The following SLC47A2 variants were observed in gnomAD, a reference collection of about 807,000 sequenced individuals.
SLC47A2 encodes solute carrier family 47 member 2, also known as multidrug and toxin extrusion protein 2.
In SLC47A2, 52 loss-of-function variants were observed where a neutral mutation model predicts 67.7. That is an observed-to-expected ratio of 0.77 (90% CI 0.61 to 0.97). SLC47A2 has a LOEUF of 0.97. Ranked by LOEUF, SLC47A2 falls within the 50% of genes least tolerant of loss-of-function variation. The pLI is 0.00. For missense variants in SLC47A2, 676 were observed against 712.3 expected (o/e 0.95, Z 0.58); for synonymous variants, 278 against 292.9 (o/e 0.95, Z 0.52).
At chr17:19,692,866 C>T (rs1243451058) in intron 13 of SLC47A2, among the ~76,000 whole-genome samples, 1 of 152,180 alleles carries the variant, frequency 6.6e-6, no homozygotes, top group Non-Finnish European at 1.5e-5. Flanking sequence ...GGCGCAGTGG[C>T]TCATGCTTCT....
chr17:19,704,253 A>G, intron 10 of SLC47A2, 75 bp from the exon 11 acceptor site: 1 of 1,242,494 alleles, frequency 8.0e-7, no homozygotes, highest in Non-Finnish European at 1.1e-6. Context: ...AGCCTGGGCC[A>G]AGAGGGACGT....
intron 15 of SLC47A2, among the ~76,000 whole-genome samples, chr17:19,680,399 G>A (rs2085287902): frequency 6.6e-6 from 1 of 152,110 alleles, no homozygotes; most frequent in Non-Finnish European, 1.5e-5. Flanking sequence ...AGAACCTCTT[G>A]ACCCCAGGAG....
intron 13 of SLC47A2, among the ~76,000 whole-genome samples, chr17:19,683,064 C>A (rs1269491223): frequency 1.3e-5 from 2 of 152,062 alleles, no homozygotes; most frequent in Non-Finnish European, 2.9e-5. Flanking sequence ...GAGATGTATG[C>A]CTCTTGAACT....
At chr17:19,684,391 G>A (rs1291927568) in intron 13 of SLC47A2, among the ~76,000 whole-genome samples, 1 of 152,054 alleles carries the variant, frequency 6.6e-6, no homozygotes, top group Non-Finnish European at 1.5e-5. Flanking sequence ...AAATTTTGAT[G>A]AACATCAAAA....
At chr17:19,708,184 C>T in intron 7 of SLC47A2, 118 bp downstream of exon 7, 1 of 1,164,712 alleles carries the variant, frequency 8.6e-7, no homozygotes, top group Non-Finnish European at 1.2e-6. Flanking sequence ...CTCCCCATAA[C>T]CCTCCACTTC....
At chr17:19,703,921 C>T (rs2085856064) in intron 11 of SLC47A2, 149 bp downstream of exon 11, 1 of 577,956 alleles carries the variant, frequency 1.7e-6, no homozygotes, top group African/African-American at 2.0e-5. Flanking sequence ...AGAGGCTGAC[C>T]TGGGTCAGAT....
Position 19,714,722 on chromosome 17 carries a change from T to G in SLC47A2, c.293A>C (p.Gln98Pro), listed in dbSNP as rs1213544389. ...GCCCAGCTCCAGGAGGCCACCCACCTGAGACATCAAGGTGTCACATGCCGA... is the reference window on the plus strand; with the variant it reads ...GCCCAGCTCCAGGAGGCCACCCACCGGAGACATCAAGGTGTCACATGCCGA... ...LSSACDTLMS[Q>P]SFGSPNKKHV... Residue 98 changes from glutamine (Q) to proline (P), a missense_variant and splice_region_variant, in exon 3 of 17, where the codon CAG becomes CCG. By Grantham distance (76) the Gln-to-Pro change is moderately conservative. Coordinates refer to ENST00000433844, the MANE Select transcript of SLC47A2 (RefSeq NM_001099646.3). The G allele has an allele frequency of 1.9e-6, 3 of 1,614,014 alleles. No individual in the cohort carries two copies. The highest frequency in any genetic ancestry group is 2.5e-6 in the Non-Finnish European group (3 of 1,180,018).
At chr17:19,680,833 GT>G (rs2085296479) in intron 15 of SLC47A2, among the ~76,000 whole-genome samples, 1 of 152,094 alleles carries the variant, frequency 6.6e-6, no homozygotes, top group Admixed American at 6.5e-5. Context: ...AAGGTTTTTG[GT>G]TTTGTTTCTG....
intron 13 of SLC47A2, among the ~76,000 whole-genome samples, chr17:19,696,460 CA>C (rs35606212): frequency 0.35 from 38,942 of 110,432 alleles, 5,118 homozygotes; most frequent in Middle Eastern, 0.46. Flanking sequence ...GACTCCATCT[CA>C]AAAAAAAAAA....
At chr17:19,700,893 CGGT>C (rs2085768091) in intron 13 of SLC47A2, among the ~76,000 whole-genome samples, 1 of 151,742 alleles carries the variant, frequency 6.6e-6, no homozygotes, top group African/African-American at 2.4e-5. Context: ...AGGCCAGGTG[CGGT>C]GGCTCACACC....
intron 13 of SLC47A2, among the ~76,000 whole-genome samples, chr17:19,688,055 T>G (rs2085463497): frequency 6.6e-6 from 1 of 152,124 alleles, no homozygotes; most frequent in Non-Finnish European, 1.5e-5. Flanking sequence ...CAGTATTATC[T>G]TGATACCAAA....
At chr17:19,681,264 G>T in intron 15 of SLC47A2, 103 bp downstream of exon 15, 1 of 921,680 alleles carries the variant, frequency 1.1e-6, no homozygotes, top group Non-Finnish European at 1.6e-6. Context: ...CCACACTGCT[G>T]CCAAGTTCTG....
chr17:19,686,168 A>C (rs1243462026), intron 13 of SLC47A2, among the ~76,000 whole-genome samples: 22 of 152,164 alleles, frequency 1.4e-4, no homozygotes, highest in Non-Finnish European at 3.2e-4. Context: ...AGGCTGAGGC[A>C]GGAGAATCGC....
At chr17:19,715,268 C>T (rs772154755) in intron 1 of SLC47A2, 51 bp from the exon 2 acceptor site, 7 of 1,542,626 alleles carry the variant, frequency 4.5e-6, no homozygotes, top group South Asian at 1.1e-5. Flanking sequence ...CCCACACAGC[C>T]GAGCCCTGCA....
At chr17:19,692,374 C>A in intron 13 of SLC47A2, 3 of 379,036 alleles carry the variant, frequency 7.9e-6, no homozygotes, top group Non-Finnish European at 1.0e-5. Context: ...TCACTGCTGA[C>A]CATAAAGAAG....
At chr17:19,696,219 G>A (rs1415728203) in intron 13 of SLC47A2, among the ~76,000 whole-genome samples, 5 of 150,148 alleles carry the variant, frequency 3.3e-5, no homozygotes, top group African/African-American at 7.4e-5. Flanking sequence ...TTGGGAGGCC[G>A]AGGTGGGCAG....
upstream of SLC47A2, chr17:19,716,735 C>T (rs2086279886): frequency 3.2e-6 from 3 of 927,414 alleles, no homozygotes; most frequent in African/African-American, 3.4e-5. Flanking sequence ...GGCACTGAGT[C>T]CCTGCTGCCA....
intron 15 of SLC47A2, among the ~76,000 whole-genome samples, chr17:19,680,942 C>T (rs548002519): frequency 1.3e-5 from 2 of 152,288 alleles, no homozygotes; most frequent in African/African-American, 4.8e-5. Context: ...CCACAAAACA[C>T]CTGCAGCACG....
At chr17:19,681,710 G>A (rs772281561) in intron 13 of SLC47A2, 40 bp from the exon 14 acceptor site, 24 of 1,584,748 alleles carry the variant, frequency 1.5e-5, no homozygotes, top group Non-Finnish European at 1.9e-5. Context: ...TCAGGATGAT[G>A]AGACTAAGAG....
Sources: allele counts gnomAD v4.1 joint callset (sites outside exome capture counted in the v4.1 genomes callset), GRCh38; gene constraint gnomAD v4.1.1; transcripts MANE v1.5; gene names NCBI Gene and HGNC (gene_info 2026-07-23, HGNC 2026-07-21).